Variants in HPSE2 observed in about 807,000 individuals in gnomAD.
HPSE2 encodes heparanase 2 (inactive).
Under a neutral mutation model 60.5 loss-of-function variants are expected in HPSE2, and 38 were observed. That is an observed-to-expected ratio of 0.63 (90% CI 0.48 to 0.82). The LOEUF is 0.82. Ranked by LOEUF, HPSE2 falls within the 40% of genes least tolerant of loss-of-function variation. HPSE2 has a pLI of 0.00. For missense variants in HPSE2, 713 were observed against 740.4 expected (o/e 0.96, Z 0.43); for synonymous variants, 295 against 293.2 (o/e 1.01, Z -0.06).
At chr10:98,852,113 A>ATG (rs1555017138) in intron 3 of HPSE2, among the ~76,000 whole-genome samples, 1,875 of 91,910 alleles carry the variant, frequency 0.02, 22 homozygotes, top group Admixed American at 0.028. Flanking sequence ...GTATATTATG[A>ATG]TGTGTGTGTG....
intron 3 of HPSE2, among the ~76,000 whole-genome samples, chr10:98,828,004 C>T (rs1327119844): frequency 6.6e-6 from 1 of 152,124 alleles, no homozygotes; most frequent in Non-Finnish European, 1.5e-5. Flanking sequence ...GATTGGCCTC[C>T]CCAGGAAAAG....
chr10:98,729,685 T>C (rs896821515), intron 4 of HPSE2, among the ~76,000 whole-genome samples: 1 of 151,812 alleles, frequency 6.6e-6, no homozygotes, highest in Non-Finnish European at 1.5e-5. Flanking sequence ...CAGAAATAAC[T>C]ATACTAATAT....
chr10:99,157,574 T>C (rs1481731958), intron 2 of HPSE2, among the ~76,000 whole-genome samples: 16 of 132,732 alleles, frequency 1.2e-4, no homozygotes, highest in Non-Finnish European at 1.9e-4. Flanking sequence ...ACTGGATCCC[T>C]TCCTTATACC....
intron 2 of HPSE2, among the ~76,000 whole-genome samples, chr10:99,164,296 T>C (rs1010673949): frequency 7.3e-6 from 1 of 136,984 alleles, no homozygotes; most frequent in African/African-American, 2.7e-5. Context: ...CTTATGAATG[T>C]TATTTTATTA....
chr10:98,793,843 A>G (rs1342291312), intron 3 of HPSE2, among the ~76,000 whole-genome samples: 1 of 152,206 alleles, frequency 6.6e-6, no homozygotes, highest in African/African-American at 2.4e-5. Flanking sequence ...TTGAAAGTAG[A>G]ACAAGCTTGG....
chr10:98,584,926 T>C (rs1382115833), intron 9 of HPSE2, among the ~76,000 whole-genome samples: 1 of 152,166 alleles, frequency 6.6e-6, no homozygotes, highest in Admixed American at 6.5e-5. Flanking sequence ...TAGGAGTGAG[T>C]AGTAAAAGGC....
At chr10:99,253,709 C>A in the HPSE2 span, among the ~76,000 whole-genome samples, 1 of 151,858 alleles carries the variant, frequency 6.6e-6, no homozygotes, top group Non-Finnish European at 1.5e-5. Context: ...AACTACTCAC[C>A]CAACAAAGGC....
At chr10:98,526,903 A>T (rs1017503281) in intron 9 of HPSE2, among the ~76,000 whole-genome samples, 7 of 152,162 alleles carry the variant, frequency 4.6e-5, no homozygotes, top group African/African-American at 1.7e-4. Context: ...AAGATATTTA[A>T]CTAGTCCACA....
chr10:99,258,112 G>T, the HPSE2 span, among the ~76,000 whole-genome samples: 1 of 151,822 alleles, frequency 6.6e-6, no homozygotes, highest in African/African-American at 2.4e-5. Flanking sequence ...CTGCACTCCA[G>T]CCTGGTGACT....
intron 3 of HPSE2, among the ~76,000 whole-genome samples, chr10:98,863,106 C>T (rs1952499214): frequency 6.6e-6 from 1 of 152,048 alleles, no homozygotes; most frequent in Admixed American, 6.6e-5. Flanking sequence ...CTTGATTCCC[C>T]CAGGAATGAA....
chr10:98,653,476 T>C (rs895946643), intron 6 of HPSE2, among the ~76,000 whole-genome samples: 6 of 152,060 alleles, frequency 3.9e-5, no homozygotes, highest in South Asian at 2.1e-4. Flanking sequence ...TTTATATAAT[T>C]ACATTTTATC....
intron 3 of HPSE2, among the ~76,000 whole-genome samples, chr10:98,799,852 C>A (rs1217233457): frequency 6.6e-6 from 1 of 151,302 alleles, no homozygotes; most frequent in East Asian, 1.9e-4. Context: ...ATTAAAAAAA[C>A]CTAATGATGC....
intron 3 of HPSE2, among the ~76,000 whole-genome samples, chr10:98,879,852 CGTGTGTGTGTGTGTGTGTGTGTGT>C (rs3043546): frequency 6.9e-6 from 1 of 145,676 alleles, no homozygotes; most frequent in South Asian, 2.2e-4. Flanking sequence ...TGTGCATGTG[CGTGTGTGTGTGTGTGTGTGTGTGT>C]GTGTGTGTGT....
rs1028796864 is a variant in HPSE2, at chr10:98,995,859, A to T, written c.610+148379T>A. Among the ~76,000 whole-genome samples, 3 of 152,200 alleles carry T rather than the reference A, an allele frequency of 2.0e-5. No homozygotes were observed. The East Asian group carries it at 5.8e-4, about 29-fold the overall frequency. On this transcript the variant is annotated intron_variant, in intron 3 of 11. Coordinates refer to ENST00000370552, the MANE Select transcript of HPSE2 (RefSeq NM_021828.5). ...AAATCTATAAATGGACAATGAGTAC[A>T]TGAAAAGGTGATCATGATTAGTCAG...
At chr10:98,547,435 G>GA (rs1943720682) in intron 9 of HPSE2, among the ~76,000 whole-genome samples, 1 of 151,012 alleles carries the variant, frequency 6.6e-6, no homozygotes, top group South Asian at 2.1e-4. Context: ...ATTGGACTAA[G>GA]AAAATGTGGC....
intron 3 of HPSE2, among the ~76,000 whole-genome samples, chr10:99,143,759 C>T (rs926454367): frequency 2.6e-5 from 4 of 152,194 alleles, no homozygotes; most frequent in African/African-American, 9.6e-5. Context: ...GAGCACGGCT[C>T]AGTCTCATAG....
rs375368134 is a variant in HPSE2, at chr10:98,934,524, T to C, written c.611-190468A>G. Among the ~76,000 whole-genome samples, 20 of 144,572 alleles carry C rather than the reference T, an allele frequency of 1.4e-4. 4 individuals are homozygous for C. Among genetic ancestry groups the C allele is most frequent in the African/African-American group, 5.3e-4 (19 of 35,820 alleles). 94.8% of individuals were successfully genotyped at this position (144,572 alleles called of 152,430 possible). A position where few individuals can be genotyped will look rare whatever the true frequency, so the allele number is the denominator to read the frequency against. On this transcript the variant is annotated intron_variant, in intron 3 of 11. Transcript: ENST00000370552. ...TTGTCTGAAAAAGATGTTATTTCTC[T>C]TCTGCTTATGAAACTTAGTTTGGCC...
chr10:98,813,033 G>C (rs913349795), intron 3 of HPSE2, among the ~76,000 whole-genome samples: 1 of 152,088 alleles, frequency 6.6e-6, no homozygotes, highest in African/African-American at 2.4e-5. Flanking sequence ...CTGAACTCTT[G>C]ACAAAGAGAT....
At chr10:99,050,494 C>T (rs1957966626) in intron 3 of HPSE2, among the ~76,000 whole-genome samples, 1 of 151,968 alleles carries the variant, frequency 6.6e-6, no homozygotes, top group Admixed American at 6.6e-5. Flanking sequence ...GGTATATATA[C>T]AAAGGATATG....
Sources: gnomAD v4.1 joint callset for allele counts (sites outside exome capture counted in the v4.1 genomes callset) on GRCh38, gnomAD v4.1.1 for gene constraint, MANE v1.5 for transcripts, NCBI Gene and HGNC (gene_info 2026-07-23, HGNC 2026-07-21) for gene names.